The following ARHGAP39 variants were observed in gnomAD, a reference collection of about 807,000 sequenced individuals.
The protein encoded by ARHGAP39 is Rho GTPase activating protein 39, also known as rho GTPase-activating protein 39.
Under a neutral mutation model 106.9 loss-of-function variants are expected in ARHGAP39, and 44 were observed. That is an observed-to-expected ratio of 0.41 (90% confidence interval 0.32 to 0.53). ARHGAP39 has a LOEUF of 0.53. Ranked by LOEUF, ARHGAP39 falls within the 20% of genes least tolerant of loss-of-function variation. The pLI, the probability that ARHGAP39 is intolerant of heterozygous loss-of-function variation, is 0.21. For missense variants in ARHGAP39, 1,496 were observed against 1,577.3 expected, an observed-to-expected ratio of 0.95 and a Z score of 0.87; for synonymous variants, 768 against 693.2, an observed-to-expected ratio of 1.11 and a Z score of -1.69.
chr8:144,683,897 A>G (rs1399446271), intron 1 of ARHGAP39, among the ~76,000 whole-genome samples: 1 of 152,204 alleles, frequency 6.6e-6, no homozygotes, highest in Non-Finnish European at 1.5e-5. Context: ...TCTTGGCAGT[A>G]ATAACCATTC....
chr8:144,578,560 A>G (rs2130895590), intron 3 of ARHGAP39, among the ~76,000 whole-genome samples: 1 of 152,210 alleles, frequency 6.6e-6, no homozygotes, highest in South Asian at 2.1e-4. Context: ...GGCCATGCAC[A>G]CTTTGGCTCA....
intron 2 of ARHGAP39, among the ~76,000 whole-genome samples, chr8:144,594,014 G>A (rs1260082417): frequency 2.6e-5 from 4 of 151,378 alleles, no homozygotes; most frequent in South Asian, 2.1e-4. Context: ...GCTTGAACCC[G>A]GGAGGCAGAG....
At chr8:144,544,955 A>G (rs1817346126) in intron 6 of ARHGAP39, among the ~76,000 whole-genome samples, 1 of 152,224 alleles carries the variant, frequency 6.6e-6, no homozygotes, top group Non-Finnish European at 1.5e-5. Flanking sequence ...TGCCCTTGTC[A>G]GGGAGCGGGA....
intron 1 of ARHGAP39, among the ~76,000 whole-genome samples, chr8:144,654,057 G>A (rs1821637765): frequency 6.6e-6 from 1 of 152,192 alleles, no homozygotes. Flanking sequence ...CCCGAAGGTG[G>A]CAAATGGAAT....
intron 1 of ARHGAP39, among the ~76,000 whole-genome samples, chr8:144,610,277 C>T (rs947569308): frequency 6.6e-6 from 1 of 152,102 alleles, no homozygotes; most frequent in Non-Finnish European, 1.5e-5. Context: ...ACAGCTTAAT[C>T]GTTTTTTTTC....
intron 6 of ARHGAP39, among the ~76,000 whole-genome samples, chr8:144,540,937 C>T (rs564812523): frequency 2.5e-4 from 38 of 152,342 alleles, no homozygotes; most frequent in South Asian, 4.1e-4. Flanking sequence ...CTGCAACCTC[C>T]GCCTCCTGGG....
chr8:144,531,213 C>CTGCATTGCACAGG, intron 10 of ARHGAP39, among the ~76,000 whole-genome samples: 11 of 140,162 alleles, frequency 7.8e-5, no homozygotes, highest in African/African-American at 2.7e-4. Flanking sequence ...GGGGAGTGGG[C>CTGCATTGCACAGG]TAGACATAGC....
intron 2 of ARHGAP39, among the ~76,000 whole-genome samples, chr8:144,595,118 G>A (rs1272558764): frequency 6.6e-6 from 1 of 152,160 alleles, no homozygotes; most frequent in African/African-American, 2.4e-5. Context: ...AAACGAAAAC[G>A]TCTTCACACA....
Position 144,641,388 on chromosome 8 carries a change from A to G in ARHGAP39, c.-81-35693T>C, listed in dbSNP as rs1368710091. 6.6e-6 allele frequency among the ~76,000 whole-genome samples: 1 copy of G among 152,032 alleles called. No homozygotes were observed. Among genetic ancestry groups the G allele is most frequent in the Admixed American group, 6.6e-5 (1 of 15,266 alleles). On this transcript the variant is annotated intron_variant, in intron 1 of 11. Transcript: ENST00000377307. The surrounding 1 kb of genome is among the most constrained non-coding windows in gnomAD (Gnocchi z 5.2). ...TGAGACAACATGGAGATGCAGACGC[A>G]GGCAGATGATGGGCTGGTAAAGCGA... is the stretch of plus-strand genomic sequence containing the variant.
intron 1 of ARHGAP39, among the ~76,000 whole-genome samples, chr8:144,669,083 C>A (rs969629365): frequency 4.6e-5 from 7 of 151,344 alleles, no homozygotes; most frequent in Non-Finnish European, 8.8e-5. Flanking sequence ...AACAATCTCT[C>A]CAACACATGG....
chr8:144,599,505 C>G (rs1195434016), intron 2 of ARHGAP39, among the ~76,000 whole-genome samples: 1 of 152,234 alleles, frequency 6.6e-6, no homozygotes, highest in South Asian at 2.1e-4. Context: ...AAACAGAAAA[C>G]AAGAGAGTTT....
intron 9 of ARHGAP39, 136 bp downstream of exon 9, chr8:144,532,990 C>T (rs1342643159): frequency 9.1e-7 from 1 of 1,094,658 alleles, no homozygotes; most frequent in African/African-American, 1.6e-5. Flanking sequence ...TGTGGCCCCA[C>T]CCTTCCATCT....
chr8:144,579,343 T>C (rs1331969397), intron 3 of ARHGAP39, among the ~76,000 whole-genome samples: 3 of 151,918 alleles, frequency 2.0e-5, no homozygotes, highest in African/African-American at 4.8e-5. Flanking sequence ...AAGCAAGTAG[T>C]GTTGGCAAGG....
At chr8:144,643,870 T>C (rs1237371762) in intron 1 of ARHGAP39, among the ~76,000 whole-genome samples, 1 of 152,298 alleles carries the variant, frequency 6.6e-6, no homozygotes, top group Middle Eastern at 3.4e-3. Flanking sequence ...ATTTTGCTAT[T>C]GTTTTTCACC....
chr8:144,605,786 CA>C, intron 1 of ARHGAP39, 91 bp from the exon 2 acceptor site: 1 of 683,094 alleles, frequency 1.5e-6, no homozygotes, highest in Non-Finnish European at 2.5e-6. Context: ...ACTGGCTGGG[CA>C]GGATGACGAT....
At chr8:144,608,028 G>A (rs938345761) in intron 1 of ARHGAP39, among the ~76,000 whole-genome samples, 7 of 151,878 alleles carry the variant, frequency 4.6e-5, no homozygotes, top group African/African-American at 1.5e-4. Context: ...GTGGCAGCAT[G>A]TGCCCGAAAT....
chr8:144,670,518 A>C lies in ARHGAP39; in HGVS notation c.-82+15168T>G, dbSNP rs1376882175. On this transcript the variant is annotated intron_variant, in intron 1 of 11. Transcript: ENST00000377307. The surrounding 1 kb of genome is among the most constrained non-coding windows in gnomAD (Gnocchi z 4.4). The stretch of plus-strand genomic sequence containing the variant: ...GTGCTCCGGACATAAAAGCCTGGGC[A>C]AGGCTTCAAGAAGACTATTTTGGGT... 6.6e-6 allele frequency among the ~76,000 whole-genome samples: 1 copy of C among 152,170 alleles called. No homozygotes were observed. Among genetic ancestry groups the C allele is most frequent in the Non-Finnish European group, 1.5e-5 (1 of 68,046 alleles).
intron 2 of ARHGAP39, among the ~76,000 whole-genome samples, 193 bp downstream of exon 2, chr8:144,605,342 C>T (rs1476229322): frequency 2.0e-5 from 3 of 152,226 alleles, no homozygotes; most frequent in African/African-American, 4.8e-5. Context: ...CCCGCATCTG[C>T]AGGAACGCAG....
At chr8:144,572,121 A>G (rs1448053605) in intron 3 of ARHGAP39, among the ~76,000 whole-genome samples, 1 of 152,202 alleles carries the variant, frequency 6.6e-6, no homozygotes, top group Non-Finnish European at 1.5e-5. Context: ...AATTGGAAAA[A>G]ATTACTTTAA....
Sources: gnomAD v4.1 joint callset for allele counts (sites outside exome capture counted in the v4.1 genomes callset) on GRCh38, gnomAD v4.1.1 for gene constraint, Gnocchi (gnomAD v3.1) non-coding constraint, MANE v1.5 for transcripts, NCBI Gene and HGNC (gene_info 2026-07-23, HGNC 2026-07-21) for gene names.